Variants in SDHAF4 observed in about 807,000 individuals in gnomAD.
SDHAF4 encodes succinate dehydrogenase assembly factor 4, mitochondrial.
Under a neutral mutation model 14.3 loss-of-function variants are expected in SDHAF4, and 14 were observed. The observed-to-expected ratio is 0.98, with a 90% CI of 0.65 to 1.53. SDHAF4 has a LOEUF of 1.53. SDHAF4 is among the 40% of genes most tolerant of loss of function. SDHAF4 has a pLI of 0.00. For missense variants in SDHAF4, 141 were observed against 129.3 expected (o/e 1.09, Z -0.44); for synonymous variants, 63 against 47.3 (o/e 1.33, Z -1.36).
At chr6:70,574,021 A>T (rs542865074) in intron 1 of SDHAF4, among the ~76,000 whole-genome samples, 1 of 151,530 alleles carries the variant, frequency 6.6e-6, no homozygotes, top group Non-Finnish European at 1.5e-5. Context: ...AAAAGAGATG[A>T]TGAAAAATGA....
rs1021087494 is a variant in SDHAF4, at chr6:70,589,175, G to T, written c.*451G>T. On this transcript the variant is annotated 3_prime_UTR_variant, in exon 3 of 3. Transcript: ENST00000370474. ...TTTAATGAGTATAGAAATGATTCTT[G>T]TTTTTTTGAGACAGAGTCTCTCTCT... The T allele has an allele frequency of 1.3e-5, 2 of 151,644 alleles. No homozygotes were observed. The highest frequency in any genetic ancestry group is 2.4e-5 in the African/African-American group (1 of 41,260). The allele number at this position is 151,644 out of a possible 1,614,324, so 9.4% of individuals were successfully genotyped here.
chr6:70,588,853 A>G lies in SDHAF4; in HGVS notation c.*129A>G, dbSNP rs552126271. On this transcript the variant is annotated 3_prime_UTR_variant, in exon 3 of 3. Transcript: ENST00000370474. ...GTATAATGTGTTTAAATATATATAT[A>G]TATGATGGCTTTGGAAGAAAATATG... The G allele has an allele frequency of 1.2e-5, 4 of 334,276 alleles. No individual in the cohort carries two copies. In the East Asian group the frequency reaches 1.6e-4, roughly 14 times the overall value. 20.7% of individuals were successfully genotyped at this position (334,276 alleles called of 1,614,324 possible).
At chr6:70,583,764 C>T (rs1464422887) in intron 2 of SDHAF4, among the ~76,000 whole-genome samples, 1 of 152,290 alleles carries the variant, frequency 6.6e-6, no homozygotes, top group Admixed American at 6.5e-5. Flanking sequence ...GGGCCACATT[C>T]AAAGCCATCC....
chr6:70,587,354 T>C lies in SDHAF4; in HGVS notation c.218-1261T>C, dbSNP rs192873260. Among the ~76,000 whole-genome samples the C allele has an allele frequency of 5.9e-5, 9 of 151,894 alleles. No homozygotes were observed. In the East Asian group the frequency reaches 1.7e-3, roughly 30 times the overall value. Reference sequence around the variant, plus strand: ...AAAGTACAATTATTAGCCAGGCACATAGTGGTGTGCGCCTGTAGTCCCAGC... The same window carrying C: ...AAAGTACAATTATTAGCCAGGCACACAGTGGTGTGCGCCTGTAGTCCCAGC... On this transcript the variant is annotated intron_variant, in intron 2 of 2. Transcript: ENST00000370474.
chr6:70,575,398 G>T (rs1802241138), intron 1 of SDHAF4, among the ~76,000 whole-genome samples: 1 of 151,254 alleles, frequency 6.6e-6, no homozygotes, highest in Admixed American at 6.6e-5. Context: ...GGACCCTCCT[G>T]GTCAACATGG....
chr6:70,574,329 GAAAAA>G (rs113017217), intron 1 of SDHAF4, among the ~76,000 whole-genome samples: 1 of 143,692 alleles, frequency 7.0e-6, no homozygotes, highest in African/African-American at 2.5e-5. Context: ...CAAAAAAAAA[GAAAAA>G]AAAAAAAGAT....
At chr6:70,579,965 A>G (rs1186233129) in intron 2 of SDHAF4, among the ~76,000 whole-genome samples, 3 of 152,176 alleles carry the variant, frequency 2.0e-5, no homozygotes, top group African/African-American at 7.2e-5. Context: ...CACATATTAT[A>G]TATAAAGGAC....
chr6:70,595,934 A>G, the SDHAF4 span, among the ~76,000 whole-genome samples: 3 of 152,346 alleles, frequency 2.0e-5, no homozygotes, highest in South Asian at 6.2e-4. Flanking sequence ...CATGATGTGC[A>G]ATAGAAAAAA....
chr6:70,568,899 T>C (rs908839181), intron 1 of SDHAF4, among the ~76,000 whole-genome samples: 1 of 152,072 alleles, frequency 6.6e-6, no homozygotes, highest in South Asian at 2.1e-4. Flanking sequence ...TGCTTTTCTC[T>C]GATTAAAGAA....
chr6:70,577,100 C>T (rs1170879739), intron 1 of SDHAF4, among the ~76,000 whole-genome samples: 2 of 152,176 alleles, frequency 1.3e-5, no homozygotes, highest in African/African-American at 2.4e-5. Flanking sequence ...TCAAAGCCAG[C>T]AACATCGGGT....
Position 70,579,419 on chromosome 6 carries a change from C to A in SDHAF4, c.70C>A (p.Pro24Thr), listed in dbSNP as rs1404822407. ...TATTATCTCCACTCTTCTAGGATCA[C>A]CCCTTCTGTGTCATTCTCTGAGGAA... The part of the protein sequence containing the change: ...SATAWRAARS[P>T]LLCHSLRKTS... Residue 24 changes from proline to threonine, a missense_variant, in exon 2 of 3, where the codon CCC becomes ACC. Coordinates refer to ENST00000370474, the MANE Select transcript of SDHAF4 (RefSeq NM_145267.3). 1.3e-6 allele frequency: 2 copies of A among 1,590,890 alleles called. No individual in the cohort carries two copies. The highest frequency in any genetic ancestry group is 2.3e-5 in the East Asian group (1 of 43,876).
At chr6:70,567,731 G>C (rs1001835368) in intron 1 of SDHAF4, 3 of 152,022 alleles carry the variant, frequency 2.0e-5, no homozygotes, top group Non-Finnish European at 2.9e-5. Context: ...TGTCCCTCAG[G>C]CTGGAGTGCA....
At chr6:70,595,862 AAAAG>A in the SDHAF4 span, among the ~76,000 whole-genome samples, 1 of 151,898 alleles carries the variant, frequency 6.6e-6, no homozygotes, top group Non-Finnish European at 1.5e-5. Context: ...AGAAAAGAAA[AAAAG>A]AAAAATAGTA....
At chr6:70,569,617 A>G (rs1366880742) in intron 1 of SDHAF4, among the ~76,000 whole-genome samples, 6 of 152,188 alleles carry the variant, frequency 3.9e-5, no homozygotes, top group African/African-American at 1.2e-4. Context: ...TTAGTTACGT[A>G]AGTGTCAAAT....
intron 1 of SDHAF4, among the ~76,000 whole-genome samples, chr6:70,573,262 G>T (rs1802207698): frequency 2.0e-5 from 2 of 100,596 alleles, no homozygotes; most frequent in Admixed American, 8.8e-5. Flanking sequence ...CTGCTATTTG[G>T]CCTTTTTTTT....
intron 2 of SDHAF4, among the ~76,000 whole-genome samples, chr6:70,581,426 C>G (rs974061292): frequency 6.6e-6 from 1 of 152,164 alleles, no homozygotes; most frequent in Non-Finnish European, 1.5e-5. Context: ...AACCTACCAT[C>G]CCTTAGAAAT....
At chr6:70,574,114 T>C (rs1458868099) in intron 1 of SDHAF4, among the ~76,000 whole-genome samples, 1 of 151,396 alleles carries the variant, frequency 6.6e-6, no homozygotes, top group East Asian at 2.0e-4. Context: ...TGAGGTCAGG[T>C]GTTCAAGACC....
chr6:70,579,781 G>A (rs557891650), intron 2 of SDHAF4, among the ~76,000 whole-genome samples: 2 of 152,002 alleles, frequency 1.3e-5, no homozygotes, highest in Non-Finnish European at 2.9e-5. Context: ...ATTTGATTGT[G>A]TTTGTTTTAT....
chr6:70,578,883 G>C (rs1387579743), intron 1 of SDHAF4, among the ~76,000 whole-genome samples: 1 of 152,070 alleles, frequency 6.6e-6, no homozygotes, highest in Admixed American at 6.6e-5. Flanking sequence ...GTCTCACTAT[G>C]TTACCCAGAC....
Sources: allele counts gnomAD v4.1 joint callset (sites outside exome capture counted in the v4.1 genomes callset), GRCh38; gene constraint gnomAD v4.1.1; transcripts MANE v1.5; gene names NCBI Gene and HGNC (gene_info 2026-07-23, HGNC 2026-07-21).